Variants in AMPD3 observed in about 807,000 individuals in gnomAD.
AMPD3 encodes AMP deaminase 3.
A neutral mutation model predicts 82.3 loss-of-function variants in AMPD3; 57 were observed. That is an observed-to-expected ratio of 0.69 (90% confidence interval 0.56 to 0.86). The LOEUF is 0.86. AMPD3 is among the 40% of genes least tolerant of loss of function. The probability of loss-of-function intolerance (pLI) is 0.00; values close to 1 mark genes in which losing one functional copy is unlikely to be tolerated. For synonymous variants in AMPD3, 381 were observed against 394.7 expected, an observed-to-expected ratio of 0.97 and a Z score of 0.41; for missense variants, 870 against 1,003.8, an observed-to-expected ratio of 0.87 and a Z score of 1.80.
chr11:10,495,249 C>T (rs950299518), intron 8 of AMPD3: 12 of 985,420 alleles, frequency 1.2e-5, no homozygotes, highest in Non-Finnish European at 1.4e-5. Context: ...GAAGGGTATC[C>T]ACCTTGGCCA....
At chr11:10,450,845 C>G (rs1000377290), upstream of AMPD3, 3 of 1,199,982 alleles carry the variant, frequency 2.5e-6, no homozygotes, top group African/African-American at 1.6e-5. Flanking sequence ...GCGGGGCCCT[C>G]CTGGCCGGGG....
Position 10,456,709 on chromosome 11 carries a change from G to A in AMPD3, c.-6+1261G>A. 1 of 657,322 alleles carries A rather than the reference G, an allele frequency of 1.5e-6. No homozygotes were observed. Among genetic ancestry groups the A allele is most frequent in the Non-Finnish European group, 1.9e-6 (1 of 530,372 alleles). The allele number at this position is 657,322 out of a possible 1,614,324, so 40.7% of individuals were successfully genotyped here. On this transcript the variant is annotated intron_variant, in intron 1 of 14. Coordinates refer to ENST00000396553, the MANE Select transcript of AMPD3 (RefSeq NM_001025389.2). This position sits in a 1 kb window ranked among gnomAD's most constrained non-coding sequence, Gnocchi z 4.3. ...CAGCTGACAAAGGGTTGGAAGCCAG[G>A]CGTGAACATGCAGCTGGAGCTGAAG... is the stretch of plus-strand genomic sequence containing the variant.
chr11:10,491,116 C>T (rs1469433863), intron 6 of AMPD3, among the ~76,000 whole-genome samples: 2 of 152,218 alleles, frequency 1.3e-5, no homozygotes, highest in Non-Finnish European at 2.9e-5. Context: ...TCAGCCGCCT[C>T]CTCACCCCAG....
intron 2 of AMPD3, among the ~76,000 whole-genome samples, chr11:10,471,570 T>C (rs905385899): frequency 6.6e-6 from 1 of 152,252 alleles, no homozygotes; most frequent in Non-Finnish European, 1.5e-5. Flanking sequence ...AAAGGGCTAA[T>C]GTCCAGAATC....
intron 14 of AMPD3, 50 bp downstream of exon 14, chr11:10,504,709 C>T: frequency 6.5e-7 from 1 of 1,546,168 alleles, no homozygotes. Context: ...AGGCTGCCTG[C>T]TGTGTGCCAG....
chr11:10,455,311 C>A lies in AMPD3; in HGVS notation c.-143C>A. The A allele has an allele frequency of 1.0e-6, 1 of 985,464 alleles. No individual in the cohort carries two copies. Among genetic ancestry groups the A allele is most frequent in the Non-Finnish European group, 1.2e-6 (1 of 829,970 alleles). 61.0% of individuals were successfully genotyped at this position (985,464 alleles called of 1,614,324 possible). ...GATCAGAGCTTTGCACCCTGTGATG[C>A]CATTTTAATCAACCCTGCTTGGTTT... On this transcript the variant is annotated 5_prime_UTR_variant, in exon 1 of 15. Transcript: ENST00000396553.
At chr11:10,466,389 G>A (rs745343861) in intron 2 of AMPD3, among the ~76,000 whole-genome samples, 2 of 152,100 alleles carry the variant, frequency 1.3e-5, no homozygotes, top group Non-Finnish European at 2.9e-5. Flanking sequence ...GCTTGAGTAG[G>A]AGGTTTTACC....
Position 10,484,995 on chromosome 11 carries a change from G to T in AMPD3, c.765G>T (p.Thr255=), listed in dbSNP as rs775710024. ...SLPYPDLETY[T]VDMSHILALI... ...CCTACCCCGACCTGGAGACCTACAC[G>T]GTGGACATGAGCCACATCCTGGCTC... The change falls in exon 5 of 15, where the codon ACG becomes ACT. Residue 255 remains threonine, a synonymous_variant. Coordinates refer to ENST00000396553, the MANE Select transcript of AMPD3 (RefSeq NM_001025389.2). 8.1e-6 allele frequency: 13 copies of T among 1,613,810 alleles called. No homozygotes were observed. Among genetic ancestry groups the T allele is most frequent in the Non-Finnish European group, 1.0e-5 (12 of 1,180,002 alleles).
At chr11:10,497,801 C>G in intron 10 of AMPD3, 1 of 985,362 alleles carries the variant, frequency 1.0e-6, no homozygotes, top group Non-Finnish European at 1.2e-6. Context: ...ATAGCTCACA[C>G]TCGTGCGTGC....
chr11:10,470,052 A>G (rs1162604627), intron 2 of AMPD3, among the ~76,000 whole-genome samples: 1 of 151,982 alleles, frequency 6.6e-6, no homozygotes, highest in Non-Finnish European at 1.5e-5. Flanking sequence ...AAAAAAAAAA[A>G]AAAAAGTCCT....
chr11:10,505,138 C>CA, intron 14 of AMPD3: 1 of 985,386 alleles, frequency 1.0e-6, no homozygotes. Flanking sequence ...CTATGGGACT[C>CA]AGACATCTGT....
Position 10,504,535 on chromosome 11 carries a change from G to C in AMPD3, c.2017-14G>C, listed in dbSNP as rs751094999. 5 of 1,607,490 alleles carry C rather than the reference G, an allele frequency of 3.1e-6. No homozygotes were observed. Among genetic ancestry groups the C allele is most frequent in the Non-Finnish European group, 4.3e-6 (5 of 1,174,102 alleles). On this transcript the variant is annotated splice_polypyrimidine_tract_variant and intron_variant, in intron 13 of 14. Coordinates refer to ENST00000396553, the MANE Select transcript of AMPD3 (RefSeq NM_001025389.2). ...TCCCCCCTTCTAATCCACATGCTTT[G>C]GGGGAGGATCTAGGAAGCACTTATG...
intron 6 of AMPD3, among the ~76,000 whole-genome samples, chr11:10,487,774 C>T (rs1031518465): frequency 6.6e-6 from 1 of 152,090 alleles, no homozygotes; most frequent in African/African-American, 2.4e-5. Flanking sequence ...TCCATGTGTT[C>T]TCATTGTTCA....
chr11:10,461,513 A>G lies in AMPD3; in HGVS notation c.-5-2A>G, dbSNP rs1270189922. ...AATTCATGCTTGTTCTTTCTTTGCT[A>G]GCTGAGATGCCGCGGCAGTTTCCCA... is the stretch of plus-strand genomic sequence containing the variant. On this transcript the variant is annotated splice_acceptor_variant, in intron 1 of 14. Transcript: ENST00000396553. LOFTEE classifies it low-confidence loss of function (5UTR_SPLICE). 1 of 1,614,138 alleles carries G rather than the reference A, an allele frequency of 6.2e-7. No individual in the cohort carries two copies. Among genetic ancestry groups the G allele is most frequent in the African/African-American group, 1.3e-5 (1 of 75,034 alleles).
intron 7 of AMPD3, among the ~76,000 whole-genome samples, chr11:10,494,177 A>G (rs769437678): frequency 6.6e-6 from 1 of 152,250 alleles, no homozygotes; most frequent in East Asian, 1.9e-4. Context: ...CTGTACATGC[A>G]ACAACCATGA....
At chr11:10,452,494 G>T (rs1847986980), upstream of AMPD3, among the ~76,000 whole-genome samples, 3 of 152,124 alleles carry the variant, frequency 2.0e-5, no homozygotes, top group South Asian at 6.2e-4. Context: ...CAGTCACCGA[G>T]AAGTACCATT....
chr11:10,495,757 A>G, intron 9 of AMPD3, 24 bp downstream of exon 9: 1 of 1,613,494 alleles, frequency 6.2e-7, no homozygotes, highest in Non-Finnish European at 8.5e-7. Context: ...CCCGCTGTCT[A>G]CCCTGTGCCC....
chr11:10,507,037 C>T lies in AMPD3; in HGVS notation c.*1153C>T, dbSNP rs958779384. On this transcript the variant is annotated 3_prime_UTR_variant, in exon 15 of 15. Transcript: ENST00000396553. The stretch of plus-strand genomic sequence containing the variant: ...GTAGAAAGCATTTTTAAAGATTAAT[C>T]TGAATTAAGCTTTATCAGTGTACTC... The T allele has an allele frequency of 1.3e-5, 2 of 152,568 alleles. No individual in the cohort carries two copies. Among genetic ancestry groups the T allele is most frequent in the African/African-American group, 2.4e-5 (1 of 41,414 alleles). The allele number at this position is 152,568 out of a possible 1,614,324, so 9.5% of individuals were successfully genotyped here.
rs1849251899 is a variant in AMPD3, at chr11:10,491,965, C to T, written c.940-1384C>T. Among the ~76,000 whole-genome samples the T allele has an allele frequency of 4.6e-5, 7 of 152,128 alleles. No homozygotes were observed. In the South Asian group the frequency reaches 1.5e-3, roughly 32 times the overall value. ...AATGCACAGAAATGGAACAGATCAC[C>T]TTTGGAGAGAATTTATAGTGAGAGG... On this transcript the variant is annotated intron_variant, in intron 6 of 14. Transcript: ENST00000396553.
Sources: allele counts gnomAD v4.1 joint callset (sites outside exome capture counted in the v4.1 genomes callset), GRCh38; gene constraint gnomAD v4.1.1; non-coding constraint Gnocchi (gnomAD v3.1); transcripts MANE v1.5; gene names NCBI Gene and HGNC (gene_info 2026-07-23, HGNC 2026-07-21).